CCDC85A: variants seen among roughly 807,000 people sequenced by gnomAD.
CCDC85A encodes coiled-coil domain-containing protein 85A.
A neutral mutation model predicts 50.2 loss-of-function variants in CCDC85A; 38 were observed. The ratio of observed to expected loss-of-function variants is 0.76; its 90% CI spans 0.58 to 0.99. CCDC85A has a LOEUF of 0.99. Among genes scored for constraint, CCDC85A ranks in the 50% least tolerant of loss-of-function variants. The pLI is 0.00. For missense variants in CCDC85A, 820 were observed against 742.0 expected, an observed-to-expected ratio of 1.11 and a Z score of -1.22; for synonymous variants, 366 against 301.4, an observed-to-expected ratio of 1.21 and a Z score of -2.22.
intron 2 of CCDC85A, among the ~76,000 whole-genome samples, chr2:56,220,698 A>G (rs781600469): frequency 1.3e-5 from 2 of 152,090 alleles, no homozygotes; most frequent in African/African-American, 4.8e-5. Context: ...CAGAAATGTC[A>G]GTGTGCTTAA....
intron 2 of CCDC85A, among the ~76,000 whole-genome samples, chr2:56,281,230 T>A (rs1671193537): frequency 6.6e-6 from 1 of 152,184 alleles, no homozygotes; most frequent in African/African-American, 2.4e-5. Flanking sequence ...CTGAACATAA[T>A]GGTTTTGAGA....
intron 2 of CCDC85A, among the ~76,000 whole-genome samples, chr2:56,201,509 T>C (rs1676748497): frequency 6.6e-6 from 1 of 152,198 alleles, no homozygotes; most frequent in African/African-American, 2.4e-5. Context: ...ATCTTTCTCC[T>C]AATTATTGAG....
chr2:56,309,609 C>T (rs1345766424), intron 2 of CCDC85A, among the ~76,000 whole-genome samples: 1 of 152,094 alleles, frequency 6.6e-6, no homozygotes, highest in African/African-American at 2.4e-5. Context: ...GATAAGTAAA[C>T]TGGGGAAGAG....
chr2:56,344,929 C>CAA (rs111805515), intron 3 of CCDC85A, among the ~76,000 whole-genome samples: 2 of 143,170 alleles, frequency 1.4e-5, no homozygotes. Context: ...GCCATCTTAT[C>CAA]AAAAAAAAAA....
chr2:56,244,559 C>T (rs990827676), intron 2 of CCDC85A, among the ~76,000 whole-genome samples: 2 of 151,712 alleles, frequency 1.3e-5, no homozygotes, highest in Admixed American at 6.6e-5. Flanking sequence ...ATCCTCTCCC[C>T]TACTGTGGAT....
At chr2:56,311,835 A>T (rs1364382567) in intron 2 of CCDC85A, among the ~76,000 whole-genome samples, 1 of 152,060 alleles carries the variant, frequency 6.6e-6, no homozygotes, top group Non-Finnish European at 1.5e-5. Flanking sequence ...ATAGCGCTCT[A>T]TTTCTGCTCC....
intron 3 of CCDC85A, among the ~76,000 whole-genome samples, chr2:56,363,916 A>C (rs758959500): frequency 3.2e-4 from 49 of 152,250 alleles, no homozygotes; most frequent in African/African-American, 1.0e-3. Flanking sequence ...AAATAAGCCC[A>C]AAACCTGAAA....
intron 2 of CCDC85A, among the ~76,000 whole-genome samples, chr2:56,255,442 T>A (rs927391016): frequency 1.3e-5 from 2 of 151,650 alleles, no homozygotes; most frequent in African/African-American, 4.8e-5. Context: ...ATAGACAGGG[T>A]GATAAGTAAA....
chr2:56,242,290 G>A (rs1436464593), intron 2 of CCDC85A, among the ~76,000 whole-genome samples: 1 of 152,102 alleles, frequency 6.6e-6, no homozygotes, highest in South Asian at 2.1e-4. Flanking sequence ...CTGAGACTGG[G>A]TAATTTATAA....
At chr2:56,305,218 G>A (rs536970021) in intron 2 of CCDC85A, among the ~76,000 whole-genome samples, 71 of 152,262 alleles carry the variant, frequency 4.7e-4, no homozygotes, top group African/African-American at 1.6e-3. Flanking sequence ...ATCATTTTAA[G>A]GAATGGAGAT....
chr2:56,202,655 T>C (rs1239815669), intron 2 of CCDC85A, among the ~76,000 whole-genome samples: 1 of 152,244 alleles, frequency 6.6e-6, no homozygotes, highest in African/African-American at 2.4e-5. Context: ...AAGCCAGTTA[T>C]TCTGATTTAT....
At position 56,371,104 on chromosome 2, in the gene CCDC85A, C is replaced by G. The variant is rs192908508; in HGVS notation, c.1318-1240C>G. On this transcript the variant is annotated intron_variant, in intron 3 of 5. Transcript: ENST00000407595. ...GACTAATTATCAAAAGAGCAATGTT[C>G]AAATTAATGTTGCTATGATGAAATT... 4.5e-4 allele frequency among the ~76,000 whole-genome samples: 68 copies of G among 152,114 alleles called. 1 individual carries two copies. Among genetic ancestry groups the G allele is most frequent in the Admixed American group, 9.2e-4 (14 of 15,270 alleles).
In CCDC85A at chr2:56,385,519, G is replaced by A. The variant is rs1481729730; in HGVS notation, c.*1164G>A. The A allele has an allele frequency of 6.6e-6, 1 of 152,242 alleles. No individual in the cohort carries two copies. Among genetic ancestry groups the A allele is most frequent in the African/African-American group, 2.4e-5 (1 of 41,390 alleles). 9.4% of individuals were successfully genotyped at this position (152,242 alleles called of 1,614,324 possible). On this transcript the variant is annotated 3_prime_UTR_variant, in exon 6 of 6. Coordinates refer to ENST00000407595, the MANE Select transcript of CCDC85A (RefSeq NM_001080433.2). ...TATTTTGTGTTAATCCAAATGCAAT[G>A]ATAGTTTCTTGTATGAATGTGCAAG...
intron 5 of CCDC85A, among the ~76,000 whole-genome samples, 154 bp downstream of exon 5, chr2:56,376,089 A>G (rs1228502340): frequency 1.3e-5 from 2 of 152,172 alleles, no homozygotes; most frequent in African/African-American, 4.8e-5. Context: ...TTTTTGAAGT[A>G]TGATTTTTAT....
intron 3 of CCDC85A, among the ~76,000 whole-genome samples, chr2:56,356,912 A>G (rs922545593): frequency 6.6e-6 from 1 of 151,394 alleles, no homozygotes; most frequent in Non-Finnish European, 1.5e-5. Context: ...TACTAAAAAA[A>G]CCAAAAAAAC....
rs189251619 is a variant in CCDC85A, at chr2:56,215,235, C to T, written c.1240+21795C>T. Among the ~76,000 whole-genome samples the T allele has an allele frequency of 2.0e-5, 3 of 152,022 alleles. No individual in the cohort carries two copies. The East Asian group carries it at 5.8e-4, about 29-fold the overall frequency. ...TTAACCTTGTATCCTCTGACCTATACTTGCTTACTAGTTTCAGTTCCAAAA... is the reference window on the plus strand; with the variant it reads ...TTAACCTTGTATCCTCTGACCTATATTTGCTTACTAGTTTCAGTTCCAAAA... On this transcript the variant is annotated intron_variant, in intron 2 of 5. Coordinates refer to ENST00000407595, the MANE Select transcript of CCDC85A (RefSeq NM_001080433.2).
chr2:56,234,371 C>T (rs919691659), intron 2 of CCDC85A, among the ~76,000 whole-genome samples: 2 of 152,152 alleles, frequency 1.3e-5, no homozygotes, highest in Non-Finnish European at 2.9e-5. Context: ...TAGCATGGTG[C>T]CTTGTCCTGA....
rs1676736757 is a variant in CCDC85A at position 56,384,413 on chromosome 2, A to AGAC, written c.*60_*61insCGA. 6.8e-7 allele frequency: 1 copy of AGAC among 1,480,680 alleles called. No homozygotes were observed. The highest frequency in any genetic ancestry group is 9.4e-7 in the Non-Finnish European group (1 of 1,061,778). The allele number at this position is 1,480,680 out of a possible 1,614,324, so 91.7% of individuals were successfully genotyped here. On this transcript the variant is annotated 3_prime_UTR_variant, in exon 6 of 6. Coordinates refer to ENST00000407595, the MANE Select transcript of CCDC85A (RefSeq NM_001080433.2). ...TGCCAGAAAGTGATAGAAGACAAGA[A>AGAC]GAAAAAGGAAAGAGTGGGTTTCCAC... is the stretch of plus-strand genomic sequence containing the variant.
chr2:56,231,758 C>G (rs962118513), intron 2 of CCDC85A, among the ~76,000 whole-genome samples: 1 of 152,078 alleles, frequency 6.6e-6, no homozygotes, highest in African/African-American at 2.4e-5. Flanking sequence ...GGAAAAAGAT[C>G]CTGAACTTTA....
Sources: gnomAD v4.1 joint callset for allele counts (sites outside exome capture counted in the v4.1 genomes callset) on GRCh38, gnomAD v4.1.1 for gene constraint, MANE v1.5 for transcripts, NCBI Gene and HGNC (gene_info 2026-07-23, HGNC 2026-07-21) for gene names.